Variants in ARHGAP32 observed in about 807,000 individuals in gnomAD.
The protein encoded by ARHGAP32 is Rho GTPase activating protein 32.
ARHGAP32 carries 51 observed loss-of-function variants against 186.5 expected under a neutral mutation model. That is an observed-to-expected ratio of 0.27 (90% CI 0.22 to 0.35). The LOEUF is 0.35. Ranked by LOEUF, ARHGAP32 falls within the 10% of genes least tolerant of loss-of-function variation. ARHGAP32 has a pLI of 1.00. For missense variants in ARHGAP32, 2,186 were observed against 2,623.5 expected, an observed-to-expected ratio of 0.83 and a Z score of 3.64; for synonymous variants, 950 against 964.3, an observed-to-expected ratio of 0.99 and a Z score of 0.27.
chr11:129,102,573 TAAG>T (rs1486312701), intron 5 of ARHGAP32, among the ~76,000 whole-genome samples: 2 of 152,142 alleles, frequency 1.3e-5, no homozygotes, highest in African/African-American at 4.8e-5. Flanking sequence ...ACATTTCTCC[TAAG>T]AAGATATACA....
chr11:129,057,503 A>C (rs1940299527), intron 10 of ARHGAP32, among the ~76,000 whole-genome samples: 1 of 152,072 alleles, frequency 6.6e-6, no homozygotes, highest in African/African-American at 2.4e-5. Context: ...CCCAAAATTC[A>C]TAATGTTGAA....
intron 10 of ARHGAP32, among the ~76,000 whole-genome samples, chr11:129,056,675 A>T (rs980489613): frequency 7.9e-5 from 12 of 152,302 alleles, no homozygotes; most frequent in African/African-American, 2.9e-4. Flanking sequence ...AAAGGAGATC[A>T]CACACACATA....
chr11:129,104,822 T>TA (rs1403837774), intron 5 of ARHGAP32, among the ~76,000 whole-genome samples: 4 of 152,036 alleles, frequency 2.6e-5, no homozygotes, highest in African/African-American at 7.2e-5. Flanking sequence ...CAGAAAACAG[T>TA]AAAGGGTTTA....
intron 10 of ARHGAP32, among the ~76,000 whole-genome samples, chr11:129,055,032 C>A (rs1940194120): frequency 6.6e-6 from 1 of 152,206 alleles, no homozygotes; most frequent in African/African-American, 2.4e-5. Flanking sequence ...CCAAAATAGT[C>A]TTAGATCCTA....
intron 1 of ARHGAP32, among the ~76,000 whole-genome samples, chr11:129,191,636 A>T (rs1944271390): frequency 6.8e-6 from 1 of 147,798 alleles, no homozygotes; most frequent in Non-Finnish European, 1.5e-5. Context: ...ATACCCATGC[A>T]TAAGGCAAAC....
chr11:129,168,132 G>A (rs537168458), intron 1 of ARHGAP32, among the ~76,000 whole-genome samples: 2 of 152,106 alleles, frequency 1.3e-5, no homozygotes, highest in Non-Finnish European at 2.9e-5. Context: ...TGTGGTCCCA[G>A]CTTCTCCACA....
chr11:128,981,344 A>T (rs1945701041), intron 17 of ARHGAP32, 72 bp downstream of exon 17: 1 of 1,475,154 alleles, frequency 6.8e-7, no homozygotes, highest in East Asian at 2.3e-5. Context: ...TTGCAATAAG[A>T]AATGCATGGT....
intron 1 of ARHGAP32, among the ~76,000 whole-genome samples, chr11:129,224,164 G>A (rs1944749607): frequency 6.6e-6 from 1 of 152,190 alleles, no homozygotes; most frequent in South Asian, 2.1e-4. Flanking sequence ...AATGTCCTAT[G>A]CACTACACCA....
chr11:129,043,381 CTTTTTTTT>C (rs1213682729), intron 10 of ARHGAP32, among the ~76,000 whole-genome samples: 21 of 103,354 alleles, frequency 2.0e-4, no homozygotes, highest in Admixed American at 1.8e-3. Flanking sequence ...TTCTTTTTTT[CTTTTTTTT>C]TTTTTTTTTT....
chr11:129,209,642 G>A (rs904528757), intron 1 of ARHGAP32, among the ~76,000 whole-genome samples: 3 of 146,086 alleles, frequency 2.1e-5, no homozygotes, highest in African/African-American at 5.1e-5. Context: ...TGAAACACTG[G>A]TTCTATTCCT....
At chr11:128,977,536 G>A (rs1565351896) in intron 19 of ARHGAP32, among the ~76,000 whole-genome samples, 1 of 151,940 alleles carries the variant, frequency 6.6e-6, no homozygotes, top group Non-Finnish European at 1.5e-5. Flanking sequence ...CCCATCTCCT[G>A]AAATACCATT....
At position 129,123,614 on chromosome 11, in the gene ARHGAP32, G is replaced by C. The variant is rs930774278; in HGVS notation, c.360-84C>G. 7.8e-7 allele frequency: 1 copy of C among 1,282,692 alleles called. No homozygotes were observed. The highest frequency in any genetic ancestry group is 1.5e-5 in the African/African-American group (1 of 67,338). The allele number at this position is 1,282,692 out of a possible 1,614,324, so 79.5% of individuals were successfully genotyped here. On this transcript the variant is annotated intron_variant, in intron 4 of 22. Coordinates refer to ENST00000682385, the MANE Select transcript of ARHGAP32 (RefSeq NM_001378024.1). This position sits in a 1 kb window ranked among gnomAD's most constrained non-coding sequence, Gnocchi z 4.6. ...TAAGGGAAAAATACAGTGGATTTAA[G>C]AGCTCATGCAAGCAAAAATATTTCG...
intron 1 of ARHGAP32, among the ~76,000 whole-genome samples, chr11:129,252,754 TC>T (rs1279400959): frequency 6.6e-6 from 1 of 152,150 alleles, no homozygotes; most frequent in African/African-American, 2.4e-5. Context: ...AACCACAGTC[TC>T]GGGGAGGCTA....
chr11:129,023,884 A>T (rs954257655), intron 11 of ARHGAP32: 5 of 984,462 alleles, frequency 5.1e-6, no homozygotes, highest in East Asian at 1.1e-4. Flanking sequence ...AAGTTTTAAG[A>T]TCAATACTTA....
At chr11:129,156,407 G>GA (rs2135466040) in intron 2 of ARHGAP32, among the ~76,000 whole-genome samples, 1 of 152,334 alleles carries the variant, frequency 6.6e-6, no homozygotes, top group South Asian at 2.1e-4. Context: ...TTGGTAGGGG[G>GA]AGAGTCGTCC....
At chr11:129,151,589 C>G (rs675050) in intron 2 of ARHGAP32, among the ~76,000 whole-genome samples, 1 of 151,794 alleles carries the variant, frequency 6.6e-6, no homozygotes, top group Non-Finnish European at 1.5e-5. Flanking sequence ...TAAAAACACA[C>G]GAAAATTAAA....
At chr11:129,230,724 T>C (rs895837586) in intron 1 of ARHGAP32, among the ~76,000 whole-genome samples, 2 of 152,148 alleles carry the variant, frequency 1.3e-5, no homozygotes, top group African/African-American at 4.8e-5. Flanking sequence ...TTGAGCTAAA[T>C]TATTTCAACA....
At chr11:129,018,029 T>C (rs1187966397) in intron 11 of ARHGAP32, among the ~76,000 whole-genome samples, 1 of 152,012 alleles carries the variant, frequency 6.6e-6, no homozygotes, top group Non-Finnish European at 1.5e-5. Context: ...TGTTTTTTAT[T>C]ATTATTTTTA....
At chr11:129,174,347 C>T (rs184466058) in intron 1 of ARHGAP32, among the ~76,000 whole-genome samples, 216 of 152,288 alleles carry the variant, frequency 1.4e-3, no homozygotes, top group East Asian at 1.5e-3. Context: ...AACTGCTAGG[C>T]GGCAGCAAGG....
Sources: allele counts gnomAD v4.1 joint callset (sites outside exome capture counted in the v4.1 genomes callset), GRCh38; gene constraint gnomAD v4.1.1; non-coding constraint Gnocchi (gnomAD v3.1); transcripts MANE v1.5; gene names NCBI Gene and HGNC (gene_info 2026-07-23, HGNC 2026-07-21).